The following TSPAN9 variants were observed in gnomAD, a reference collection of about 807,000 sequenced individuals.
The protein encoded by TSPAN9 is tetraspanin-9.
TSPAN9 carries 16 observed loss-of-function variants against 31.0 expected under a neutral mutation model. The ratio of observed to expected loss-of-function variants is 0.52; its 90% CI spans 0.35 to 0.78. The LOEUF (loss-of-function observed/expected upper bound fraction) is 0.78, where lower values mean the gene tolerates loss of function less well. Among genes scored for constraint, TSPAN9 ranks in the 30% least tolerant of loss-of-function variants. TSPAN9 has a pLI of 0.01. For missense variants in TSPAN9, 272 were observed against 312.5 expected, an observed-to-expected ratio of 0.87 and a Z score of 0.98; for synonymous variants, 145 against 121.6, an observed-to-expected ratio of 1.19 and a Z score of -1.27.
intron 2 of TSPAN9, among the ~76,000 whole-genome samples, chr12:3,152,770 T>C (rs1267671023): frequency 6.6e-6 from 1 of 152,156 alleles, no homozygotes; most frequent in African/African-American, 2.4e-5. Flanking sequence ...CATTTTTAAA[T>C]AGAGATGGGG....
At chr12:3,213,381 C>G (rs2098379757) in intron 3 of TSPAN9, among the ~76,000 whole-genome samples, 1 of 152,184 alleles carries the variant, frequency 6.6e-6, no homozygotes, top group Non-Finnish European at 1.5e-5. Context: ...TCATTGGACC[C>G]AAATCAGAGC....
intron 3 of TSPAN9, among the ~76,000 whole-genome samples, chr12:3,246,239 C>A (rs141393279): frequency 6.6e-6 from 1 of 151,808 alleles, no homozygotes; most frequent in Admixed American, 6.6e-5. Flanking sequence ...TGAGAACTCA[C>A]GACTGTGAGG....
intron 2 of TSPAN9, among the ~76,000 whole-genome samples, chr12:3,137,846 C>T (rs2098332819): frequency 6.6e-6 from 1 of 152,144 alleles, no homozygotes; most frequent in Non-Finnish European, 1.5e-5. Context: ...CGGATTTCTG[C>T]ATGCAGCTCT....
intron 3 of TSPAN9, among the ~76,000 whole-genome samples, chr12:3,239,937 A>G (rs1342941083): frequency 2.6e-5 from 4 of 152,168 alleles, no homozygotes; most frequent in African/African-American, 9.7e-5. Flanking sequence ...GGGCATTGCC[A>G]CGACCAGAGG....
intron 3 of TSPAN9, among the ~76,000 whole-genome samples, chr12:3,215,938 C>G (rs1415386836): frequency 6.6e-6 from 1 of 152,196 alleles, no homozygotes; most frequent in Non-Finnish European, 1.5e-5. Flanking sequence ...AGGCTCATTT[C>G]TTCTGTCTGG....
chr12:3,096,875 T>G (rs1456756383), intron 2 of TSPAN9, among the ~76,000 whole-genome samples: 1 of 152,100 alleles, frequency 6.6e-6, no homozygotes, highest in Admixed American at 6.5e-5. Context: ...TTTTTTTGTA[T>G]TTTTAGTAGA....
chr12:3,147,157 G>A lies in TSPAN9; in HGVS notation c.-17-54020G>A, dbSNP rs2098337661. On this transcript the variant is annotated intron_variant, in intron 2 of 8. Transcript: ENST00000011898. This position sits in a 1 kb window ranked among gnomAD's most constrained non-coding sequence, Gnocchi z 4.3. ...GTGAGATATTTTTGAGTTTAGGGTG[G>A]AGACTGGAAGCAGGGGAGCCCTGGC... is the stretch of plus-strand genomic sequence containing the variant. 6.6e-6 allele frequency among the ~76,000 whole-genome samples: 1 copy of A among 152,080 alleles called. No homozygotes were observed. The highest frequency in any genetic ancestry group is 1.5e-5 in the Non-Finnish European group (1 of 68,016).
chr12:3,105,736 G>A (rs1246955488), intron 2 of TSPAN9, among the ~76,000 whole-genome samples: 1 of 148,408 alleles, frequency 6.7e-6, no homozygotes, highest in Non-Finnish European at 1.5e-5. Context: ...GCACGCGCGT[G>A]CACACACACA....
chr12:3,166,185 T>C (rs2098348328), intron 2 of TSPAN9, among the ~76,000 whole-genome samples: 1 of 152,268 alleles, frequency 6.6e-6, no homozygotes, highest in Non-Finnish European at 1.5e-5. Flanking sequence ...ATTCAAGCAG[T>C]ATTAAGTAAT....
chr12:3,098,527 G>A (rs1340359927), intron 2 of TSPAN9, among the ~76,000 whole-genome samples: 1 of 152,180 alleles, frequency 6.6e-6, no homozygotes, highest in African/African-American at 2.4e-5. Flanking sequence ...GGAGGGCTGA[G>A]TGACTGCCTG....
intron 3 of TSPAN9, among the ~76,000 whole-genome samples, chr12:3,222,095 C>T (rs550363571): frequency 5.6e-4 from 86 of 152,294 alleles, no homozygotes; most frequent in African/African-American, 2.0e-3. Flanking sequence ...TTCCTTAGAC[C>T]CACACAGGGT....
chr12:3,112,768 G>C (rs113062360), intron 2 of TSPAN9, among the ~76,000 whole-genome samples: 2 of 136,964 alleles, frequency 1.5e-5, no homozygotes, highest in South Asian at 2.4e-4. Context: ...CTGCAGCCTC[G>C]ACCTCTTGGG....
At chr12:3,145,895 G>A (rs11062529) in intron 2 of TSPAN9, among the ~76,000 whole-genome samples, 9,952 of 152,306 alleles carry the variant, frequency 0.065, 371 homozygotes, top group East Asian at 0.13. Flanking sequence ...GGTTTCATTA[G>A]CATGGGCACA....
intron 2 of TSPAN9, among the ~76,000 whole-genome samples, chr12:3,120,910 G>T (rs1284305670): frequency 6.6e-6 from 1 of 152,238 alleles, no homozygotes; most frequent in East Asian, 1.9e-4. Context: ...CGGAGTGGTG[G>T]GTGATAAACT....
chr12:3,270,720 C>A (rs1423317864), intron 3 of TSPAN9, among the ~76,000 whole-genome samples: 2 of 152,260 alleles, frequency 1.3e-5, no homozygotes, highest in East Asian at 1.9e-4. Flanking sequence ...GGCCCTGACA[C>A]CCCTGGAGGG....
At position 3,286,510 on chromosome 12, in the gene TSPAN9, C is replaced by CCATGTTTTTAG. The variant is rs1460666121; in HGVS notation, c.*3405_*3415dup. ...ATCCTGGTCCTGGCTTTATGGAACA[C>CCATGTTTTTAG]CATGTTTTTAGCATGTTTTTAAATA... On this transcript the variant is annotated 3_prime_UTR_variant, in exon 9 of 9. Coordinates refer to ENST00000011898, the MANE Select transcript of TSPAN9 (RefSeq NM_006675.5). This position sits in a 1 kb window ranked among gnomAD's most constrained non-coding sequence, Gnocchi z 4.1. 2 of 152,386 alleles carry CCATGTTTTTAG rather than the reference C, an allele frequency of 1.3e-5. No individual in the cohort carries two copies. Among genetic ancestry groups the CCATGTTTTTAG allele is most frequent in the Non-Finnish European group, 2.9e-5 (2 of 68,032 alleles). 9.4% of individuals were successfully genotyped at this position (152,386 alleles called of 1,614,324 possible). A position where few individuals can be genotyped will look rare whatever the true frequency, so the allele number is the denominator to read the frequency against.
At chr12:3,260,884 A>AGATTGCAGGTATAGTTGCAAAAGAATATG (rs1862436331) in intron 3 of TSPAN9, among the ~76,000 whole-genome samples, 1 of 152,204 alleles carries the variant, frequency 6.6e-6, no homozygotes, top group African/African-American at 2.4e-5. Flanking sequence ...TGAGGACCCT[A>AGATTGCAGGTATAGTTGCAAAAGAATATG]GATTGCAGGT....
At chr12:3,248,052 C>T (rs961527646) in intron 3 of TSPAN9, among the ~76,000 whole-genome samples, 1 of 152,172 alleles carries the variant, frequency 6.6e-6, no homozygotes, top group Non-Finnish European at 1.5e-5. Flanking sequence ...CAGAGATGTG[C>T]TCAACCTCTC....
Position 3,285,255 on chromosome 12 carries a change from G to A in TSPAN9, c.*2139G>A, listed in dbSNP as rs71577863. ...CACGGTGGGACCCGGGGCCTCGTGC[G>A]TTTTTTGCTGTGGGTGGGGTGGGTG... On this transcript the variant is annotated 3_prime_UTR_variant, in exon 9 of 9. Transcript: ENST00000011898. The A allele has an allele frequency of 4.7e-4, 4 of 8,566 alleles. No homozygotes were observed. Among genetic ancestry groups the A allele is most frequent in the South Asian group, 3.8e-3 (1 of 264 alleles). The allele number at this position is 8,566 out of a possible 1,614,324, so 0.5% of individuals were successfully genotyped here.
Sources: allele counts gnomAD v4.1 joint callset (sites outside exome capture counted in the v4.1 genomes callset), GRCh38; gene constraint gnomAD v4.1.1; non-coding constraint Gnocchi (gnomAD v3.1); transcripts MANE v1.5; gene names NCBI Gene and HGNC (gene_info 2026-07-23, HGNC 2026-07-21).